Variants in CCDC57 observed in about 807,000 individuals in gnomAD.
CCDC57 encodes the protein coiled-coil domain-containing protein 57.
In CCDC57, 118 loss-of-function variants were observed where a neutral mutation model predicts 118.9. That is an observed-to-expected ratio of 0.99 (90% CI 0.86 to 1.16). CCDC57 has a LOEUF of 1.16. Ranked by LOEUF, CCDC57 falls within the 50% of genes most tolerant of loss-of-function variation. The probability of loss-of-function intolerance (pLI) is 0.00; values close to 1 mark genes in which losing one functional copy is unlikely to be tolerated. For missense variants in CCDC57, 1,300 were observed against 1,320.7 expected (o/e 0.98, Z 0.24); for synonymous variants, 527 against 532.9 (o/e 0.99, Z 0.15).
intron 19 of CCDC57, among the ~76,000 whole-genome samples, chr17:82,123,982 C>CAAAAAAAAAAAAA (rs200031813): frequency 4.7e-5 from 3 of 64,290 alleles, no homozygotes; most frequent in African/African-American, 6.1e-5. Flanking sequence ...CATCCAAAAG[C>CAAAAAAAAAAAAA]AAAAAAAAAA....
chr17:82,175,129 G>A (rs564105985), intron 11 of CCDC57, among the ~76,000 whole-genome samples: 25 of 152,364 alleles, frequency 1.6e-4, no homozygotes, highest in Non-Finnish European at 3.1e-4. Flanking sequence ...GATTCTGTTC[G>A]TGAAGAATTG....
chr17:82,127,560 TAC>T, intron 19 of CCDC57, 130 bp downstream of exon 18: 1 of 1,447,238 alleles, frequency 6.9e-7, no homozygotes, highest in Non-Finnish European at 9.1e-7. Context: ...CTCCATGCAT[TAC>T]TCAACCAAAG....
chr17:82,178,542 C>T (rs7209474), exon 11 of CCDC57: 724,377 of 1,613,054 alleles, frequency 0.45, 171,265 homozygotes, highest in East Asian at 0.89. Flanking sequence ...TCCAGGGTCA[C>T]GGCCTTCAGC....
At chr17:82,117,243 T>G (rs1355960954) in intron 19 of CCDC57, among the ~76,000 whole-genome samples, 2 of 151,628 alleles carry the variant, frequency 1.3e-5, no homozygotes, top group South Asian at 4.2e-4. Flanking sequence ...CCCCAACTAC[T>G]CCAGGGGCTG....
exon 13 of CCDC57, chr17:82,171,735 A>C: frequency 6.2e-7 from 1 of 1,613,512 alleles, no homozygotes; most frequent in East Asian, 2.2e-5. Context: ...CGCTGGGCTG[A>C]GACTCAGCAT....
In CCDC57 at chr17:82,114,949, G is replaced by A. The variant is rs928034034; in HGVS notation, c.2899+12743C>T. Reference sequence around the variant, plus strand: ...TTGGCCCCACACTGCCATGGAGGGCGGCCCTGGGGTGGCACTGACATGGCC... The same window carrying A: ...TTGGCCCCACACTGCCATGGAGGGCAGCCCTGGGGTGGCACTGACATGGCC... On this transcript the variant is annotated intron_variant, in intron 19 of 19. Transcript: ENST00000665763. Among the ~76,000 whole-genome samples, 11 of 152,224 alleles carry A rather than the reference G, an allele frequency of 7.2e-5. No homozygotes were observed. In the East Asian group the frequency reaches 1.5e-3, roughly 21 times the overall value.
chr17:82,184,031 G>GCGCGTGCGCACACACA, intron 8 of CCDC57, 99 bp from the exon 8 acceptor site: 1 of 125,852 alleles, frequency 7.9e-6, no homozygotes, highest in East Asian at 2.0e-4. Context: ...GCGCGCGCGC[G>GCGCGTGCGCACACACA]CACACACACA....
chr17:82,101,494 TG>T, downstream of CCDC57: 1 of 554,198 alleles, frequency 1.8e-6, no homozygotes, highest in Non-Finnish European at 3.1e-6. Flanking sequence ...CTGGTTTTAA[TG>T]GGCCCTGTGC....
At chr17:82,197,024 C>T (rs539991934) in intron 4 of CCDC57, among the ~76,000 whole-genome samples, 96 of 143,312 alleles carry the variant, frequency 6.7e-4, no homozygotes, top group African/African-American at 2.5e-3. Flanking sequence ...GCAGACGCAG[C>T]CCCTCATGAC....
At chr17:82,132,118 C>CAAAAAAAAAAA (rs58856013) in intron 17 of CCDC57, among the ~76,000 whole-genome samples, 2 of 101,900 alleles carry the variant, frequency 2.0e-5, no homozygotes, top group African/African-American at 7.3e-5. Flanking sequence ...GACTCTGTCT[C>CAAAAAAAAAAA]AAAAAAAAAA....
intron 19 of CCDC57, 100 bp from the exon 19 acceptor site, chr17:82,101,966 C>T (rs920911543): frequency 1.5e-5 from 18 of 1,197,444 alleles, no homozygotes; most frequent in South Asian, 9.0e-5. Flanking sequence ...TCCGTGTTCC[C>T]GGCCAGCGGG....
intron 16 of CCDC57, among the ~76,000 whole-genome samples, chr17:82,141,687 A>G (rs375407857): frequency 7.6e-4 from 115 of 152,262 alleles, no homozygotes; most frequent in African/African-American, 2.6e-3. Flanking sequence ...CATCCGCCTG[A>G]TGATTGGGTT....
intron 19 of CCDC57, among the ~76,000 whole-genome samples, chr17:82,119,904 C>T (rs144950932): frequency 5.3e-5 from 8 of 152,144 alleles, no homozygotes; most frequent in African/African-American, 1.2e-4. Context: ...GGGGGAGCCC[C>T]GACTCCAGCC....
At chr17:82,185,618 CAA>C (rs796316787) in intron 8 of CCDC57, among the ~76,000 whole-genome samples, 3 of 137,106 alleles carry the variant, frequency 2.2e-5, no homozygotes, top group Non-Finnish European at 1.6e-5. Context: ...GACCTTGTCA[CAA>C]AAAAAAAAAG....
chr17:82,178,749 C>T, intron 10 of CCDC57, 144 bp from the exon 10 acceptor site: 4 of 1,257,132 alleles, frequency 3.2e-6, no homozygotes, highest in East Asian at 5.0e-5. Flanking sequence ...CCTTCCTGCC[C>T]ATGCATACCC....
chr17:82,136,840 C>A (rs1452265782), intron 16 of CCDC57, among the ~76,000 whole-genome samples: 3 of 152,100 alleles, frequency 2.0e-5, no homozygotes. Context: ...CCCTTGGCCT[C>A]CCAAAGGGCT....
At chr17:82,151,000 C>T (rs2041922123) in intron 16 of CCDC57, among the ~76,000 whole-genome samples, 1 of 98,308 alleles carries the variant, frequency 1.0e-5, no homozygotes, top group Middle Eastern at 6.9e-3. Flanking sequence ...CAGAACCAGG[C>T]ACACACCCAG....
At chr17:82,119,100 G>A (rs2036307851) in intron 19 of CCDC57, among the ~76,000 whole-genome samples, 1 of 65,280 alleles carries the variant, frequency 1.5e-5, no homozygotes, top group Non-Finnish European at 2.9e-5. Context: ...GTGGGGGCGG[G>A]GGTGGGGGTG....
chr17:82,169,652 G>C (rs1203270339), intron 13 of CCDC57, among the ~76,000 whole-genome samples: 1 of 152,198 alleles, frequency 6.6e-6, no homozygotes. Flanking sequence ...CTGCAAATAG[G>C]GGAAGGGGCC....
Sources: allele counts gnomAD v4.1 joint callset (sites outside exome capture counted in the v4.1 genomes callset), GRCh38; gene constraint gnomAD v4.1.1; transcripts MANE v1.5; gene names NCBI Gene and HGNC (gene_info 2026-07-23, HGNC 2026-07-21).